CHST8: variants seen among roughly 807,000 people sequenced by gnomAD.
CHST8 encodes GALNAC-4-ST1.
In CHST8, 10 loss-of-function variants were observed where a neutral mutation model predicts 15.0. The ratio of observed to expected loss-of-function variants is 0.67; its 90% CI spans 0.41 to 1.13. The LOEUF (loss-of-function observed/expected upper bound fraction) is 1.13. Ranked by LOEUF, CHST8 falls within the 50% of genes most tolerant of loss-of-function variation. The pLI, the probability that CHST8 is intolerant of heterozygous loss-of-function variation, is 0.00. For missense variants in CHST8, 634 were observed against 608.2 expected, an observed-to-expected ratio of 1.04 and a Z score of -0.45; for synonymous variants, 259 against 256.6, an observed-to-expected ratio of 1.01 and a Z score of -0.09.
chr19:33,622,576 G>T (rs1417487284), intron 1 of CHST8, among the ~76,000 whole-genome samples: 1 of 152,158 alleles, frequency 6.6e-6, no homozygotes, highest in East Asian at 1.9e-4. Flanking sequence ...CCGTCCCTCG[G>T]GCCCTCTTGG....
chr19:33,766,667 C>T (rs937828943), intron 3 of CHST8, among the ~76,000 whole-genome samples: 5 of 152,228 alleles, frequency 3.3e-5, no homozygotes, highest in Admixed American at 1.3e-4. Context: ...GCTCAGAATC[C>T]GGGTACTGCA....
chr19:33,674,933 G>A (rs780307188), intron 2 of CHST8, among the ~76,000 whole-genome samples: 1 of 152,236 alleles, frequency 6.6e-6, no homozygotes, highest in African/African-American at 2.4e-5. Flanking sequence ...ACAGGCAGAG[G>A]AGTGGGAGTT....
chr19:33,695,499 A>G (rs912541559), intron 3 of CHST8, among the ~76,000 whole-genome samples: 1 of 152,130 alleles, frequency 6.6e-6, no homozygotes, highest in African/African-American at 2.4e-5. Flanking sequence ...AGGAGATTTT[A>G]GGGCACCCAT....
At position 33,771,451 on chromosome 19, in the gene CHST8, G is replaced by C. The variant is rs376789824; in HGVS notation, c.168+1G>C. 1.9e-6 allele frequency: 3 copies of C among 1,614,028 alleles called. No individual in the cohort carries two copies. The highest frequency in any genetic ancestry group is 1.7e-5 in the Admixed American group (1 of 60,012). ...CATCAGGCCAAGGCAGCCCCACCAC[G>C]TAAGTTCTGAGAGTCAGATAAATCT... is the stretch of plus-strand genomic sequence containing the variant. On this transcript the variant is annotated splice_donor_variant, in intron 4 of 4. Transcript: ENST00000650847. LOFTEE classifies it high-confidence loss of function.
chr19:33,758,666 C>A (rs959676811), intron 3 of CHST8, among the ~76,000 whole-genome samples: 2 of 152,200 alleles, frequency 1.3e-5, no homozygotes, highest in African/African-American at 2.4e-5. Flanking sequence ...AATGAGGCTG[C>A]CGTCCTGGCT....
At chr19:33,654,932 C>T (rs1259629418) in intron 1 of CHST8, among the ~76,000 whole-genome samples, 1 of 152,146 alleles carries the variant, frequency 6.6e-6, no homozygotes, top group African/African-American at 2.4e-5. Context: ...TGAGGATTTC[C>T]TTTTCTTTCC....
chr19:33,665,127 T>A (rs2145225812), intron 1 of CHST8, among the ~76,000 whole-genome samples: 1 of 152,300 alleles, frequency 6.6e-6, no homozygotes, highest in South Asian at 2.1e-4. Flanking sequence ...GAGTGGATCA[T>A]ATGGTAGTTC....
intron 1 of CHST8, among the ~76,000 whole-genome samples, chr19:33,636,563 G>C (rs550277999): frequency 6.6e-6 from 1 of 152,184 alleles, no homozygotes; most frequent in Non-Finnish European, 1.5e-5. Context: ...TCTCGCACAA[G>C]AAAAAATTCG....
intron 3 of CHST8, among the ~76,000 whole-genome samples, chr19:33,694,204 AT>A (rs1568331138): frequency 5.4e-5 from 5 of 92,142 alleles, no homozygotes; most frequent in Admixed American, 2.1e-4. Flanking sequence ...ATATATATAT[AT>A]ATATATATAT....
chr19:33,647,562 T>C lies in CHST8; in HGVS notation c.-163-20205T>C, dbSNP rs573349823. Among the ~76,000 whole-genome samples the C allele has an allele frequency of 1.8e-4, 28 of 152,096 alleles. No individual in the cohort carries two copies. The South Asian group carries it at 5.6e-3, about 31-fold the overall frequency. ...AAATGAGGGCAAAGAAATGGGGAGA[T>C]AGGCTTGGTGCGGTGACTCACGCTT... is the stretch of plus-strand genomic sequence containing the variant. On this transcript the variant is annotated intron_variant, in intron 1 of 4. Transcript: ENST00000650847.
chr19:33,653,098 T>G (rs1019433194), intron 1 of CHST8, among the ~76,000 whole-genome samples: 9 of 152,242 alleles, frequency 5.9e-5, no homozygotes, highest in Non-Finnish European at 1.3e-4. Flanking sequence ...CACTCTTGCT[T>G]ATTGCATTCT....
At chr19:33,659,541 A>T (rs1026781986) in intron 1 of CHST8, among the ~76,000 whole-genome samples, 1 of 152,196 alleles carries the variant, frequency 6.6e-6, no homozygotes, top group Non-Finnish European at 1.5e-5. Context: ...TTGTTCATTT[A>T]AAAAGTGTTC....
chr19:33,635,419 A>G (rs1972181205), intron 1 of CHST8, among the ~76,000 whole-genome samples: 2 of 152,060 alleles, frequency 1.3e-5, no homozygotes, highest in Non-Finnish European at 1.5e-5. Context: ...GCAGTTTCGT[A>G]TACACAACCC....
chr19:33,751,188 C>T (rs934563798), intron 3 of CHST8, among the ~76,000 whole-genome samples: 42 of 152,296 alleles, frequency 2.8e-4, no homozygotes, highest in African/African-American at 9.4e-4. Flanking sequence ...GCCTGCCCAC[C>T]GCACCCTCGC....
chr19:33,690,047 G>A (rs565218569), intron 3 of CHST8, among the ~76,000 whole-genome samples: 22 of 152,220 alleles, frequency 1.4e-4, no homozygotes, highest in South Asian at 4.2e-4. Context: ...TTCTGCTGCC[G>A]GGACACGGTC....
chr19:33,730,918 C>T (rs755873270), intron 3 of CHST8, among the ~76,000 whole-genome samples: 4 of 152,032 alleles, frequency 2.6e-5, no homozygotes, highest in Non-Finnish European at 2.9e-5. Context: ...ACTGGGAGTC[C>T]GATGTTCGAG....
In CHST8 at chr19:33,757,370, A is replaced by T. The variant is rs940959860; in HGVS notation, c.131-14043A>T. ...ACTCCAGCCTGGGCAACAGAGTGAG[A>T]CGCGGTCTCAAAAAAAGAAGAAAGA... On this transcript the variant is annotated intron_variant, in intron 3 of 4. Transcript: ENST00000650847. 4.2e-5 allele frequency among the ~76,000 whole-genome samples: 6 copies of T among 142,564 alleles called. 1 individual carries two copies. The highest frequency in any genetic ancestry group is 1.6e-4 in the African/African-American group (6 of 37,872). The allele number at this position is 142,564 out of a possible 152,430, so 93.5% of individuals were successfully genotyped here.
chr19:33,726,760 A>C (rs1973910252), intron 3 of CHST8, among the ~76,000 whole-genome samples: 1 of 151,994 alleles, frequency 6.6e-6, no homozygotes, highest in Non-Finnish European at 1.5e-5. Context: ...CGCCATAAAG[A>C]AGGGGGCTCC....
chr19:33,638,209 AC>A (rs1972230910), intron 1 of CHST8, among the ~76,000 whole-genome samples: 1 of 152,078 alleles, frequency 6.6e-6, no homozygotes, highest in African/African-American at 2.4e-5. Flanking sequence ...ACCGAACACC[AC>A]CGCTGACGTT....
Sources: allele counts gnomAD v4.1 joint callset (sites outside exome capture counted in the v4.1 genomes callset), GRCh38; gene constraint gnomAD v4.1.1; transcripts MANE v1.5; gene names NCBI Gene and HGNC (gene_info 2026-07-23, HGNC 2026-07-21).